ZNF841: variants seen among roughly 807,000 people sequenced by gnomAD.
The protein encoded by ZNF841 is zinc finger protein 841, also known as TCONS_00006091.
Under a neutral mutation model 13.0 loss-of-function variants are expected in ZNF841, and 11 were observed. That is an observed-to-expected ratio of 0.85 (90% CI 0.53 to 1.40). The LOEUF is 1.40. Among genes scored for constraint, ZNF841 ranks in the 40% most tolerant of loss-of-function variants. ZNF841 has a pLI of 0.00. For missense variants in ZNF841, 1,068 were observed against 1,139.5 expected (o/e 0.94, Z 0.90); for synonymous variants, 369 against 381.6 (o/e 0.97, Z 0.38).
At chr19:52,068,056 A>G (rs1261173682) in intron 6 of ZNF841, among the ~76,000 whole-genome samples, 1 of 152,146 alleles carries the variant, frequency 6.6e-6, no homozygotes, top group Non-Finnish European at 1.5e-5. Context: ...TAATCATAAT[A>G]TAAATTAATT....
chr19:52,077,191 G>A (rs1217404408), intron 4 of ZNF841, 107 bp from the exon 5 acceptor site: 1 of 1,292,856 alleles, frequency 7.7e-7, no homozygotes, highest in Non-Finnish European at 1.0e-6. Flanking sequence ...AGTGTGTTTT[G>A]ACATATCCAT....
intron 6 of ZNF841, among the ~76,000 whole-genome samples, chr19:52,069,171 T>A (rs189307850): frequency 6.6e-6 from 1 of 152,096 alleles, no homozygotes; most frequent in Non-Finnish European, 1.5e-5. Context: ...ACTCACAGGC[T>A]CAAGCGATCC....
intron 2 of ZNF841, among the ~76,000 whole-genome samples, chr19:52,090,630 A>AGAAAGAAGGAAGGAAGGAAGGAAGGAAG (rs1555782680): frequency 8.8e-5 from 8 of 90,606 alleles, no homozygotes; most frequent in African/African-American, 1.4e-4. Flanking sequence ...AAAGAAAGAA[A>AGAAAGAAGGAAGGAAGGAAGGAAGGAAG]GAAGGAAGGA....
intron 6 of ZNF841, among the ~76,000 whole-genome samples, chr19:52,068,662 C>CGAG (rs2087656793): frequency 7.3e-6 from 1 of 136,076 alleles, no homozygotes; most frequent in Admixed American, 7.6e-5. Flanking sequence ...GGCGACAGAG[C>CGAG]AGTCTCAAAA....
intron 4 of ZNF841, 68 bp from the exon 5 acceptor site, chr19:52,077,152 G>C: frequency 6.7e-7 from 1 of 1,482,694 alleles, no homozygotes; most frequent in Non-Finnish European, 9.1e-7. Flanking sequence ...AATGAGAAGA[G>C]GAGAGAACTG....
intron 3 of ZNF841, among the ~76,000 whole-genome samples, chr19:52,087,477 T>G (rs2088313084): frequency 6.6e-6 from 1 of 152,150 alleles, no homozygotes; most frequent in Non-Finnish European, 1.5e-5. Context: ...TTTGGTTTTC[T>G]GTTCCCGTGT....
Position 52,066,354 on chromosome 19 carries a change from CT to C in ZNF841, c.1527del (p.Glu510ArgfsTer19). On this transcript the variant is annotated frameshift_variant, in exon 7 of 7. Transcript: ENST00000594440. LOFTEE classifies it low-confidence loss of function (END_TRUNC). ...CATTCATTACATTTGTAAGGTTTCT[CT>C]CCAGTATGAACTCTCTGATGCACTG... ...HLAVHQRVHT[G>X]EKPYKCNECG... is the part of the protein sequence containing the mutation. 6.2e-7 allele frequency: 1 copy of C among 1,614,088 alleles called. No individual in the cohort carries two copies. The highest frequency in any genetic ancestry group is 2.2e-5 in the East Asian group (1 of 44,876).
Position 52,066,119 on chromosome 19 carries a change from T to C in ZNF841, c.1763A>G (p.Gln588Arg). ...AGGTTTCTCTCCGGTATGCATTCTTTGATGACGTGCTAGGCATGAATAGTA... is the reference window on the plus strand; with the variant it reads ...AGGTTTCTCTCCGGTATGCATTCTTCGATGACGTGCTAGGCATGAATAGTA... Reference protein sequence around the residue: ...FTYYSCLARHQRMHTGEKPYK... With the variant: ...FTYYSCLARHRRMHTGEKPYK... Residue 588 changes from glutamine (Q) to arginine (R), a missense_variant, in exon 7 of 7, where the codon CAA becomes CGA. Coordinates refer to ENST00000594440, the MANE Select transcript of ZNF841 (RefSeq NM_001136499.2). 1 of 1,613,858 alleles carries C rather than the reference T, an allele frequency of 6.2e-7. No homozygotes were observed. The highest frequency in any genetic ancestry group is 1.1e-5 in the South Asian group (1 of 91,064).
intron 4 of ZNF841, among the ~76,000 whole-genome samples, chr19:52,083,370 C>T (rs777129335): frequency 6.6e-6 from 1 of 151,060 alleles, no homozygotes; most frequent in Non-Finnish European, 1.5e-5. Context: ...TTCCCCACTA[C>T]CCCAAGTTCA....
intron 4 of ZNF841, among the ~76,000 whole-genome samples, chr19:52,080,428 C>T (rs78489460): frequency 0.016 from 2,464 of 152,186 alleles, 73 homozygotes; most frequent in African/African-American, 0.056. Context: ...AGATCCAGCC[C>T]CTGCCATGCA....
intron 2 of ZNF841, among the ~76,000 whole-genome samples, chr19:52,090,654 G>GGAAGGAAGGAAGGAAAGAAAGAAA (rs1183196348): frequency 9.6e-4 from 81 of 84,624 alleles, no homozygotes; most frequent in African/African-American, 4.4e-3. Flanking sequence ...AAGGAAGGAA[G>GGAAGGAAGGAAGGAAAGAAAGAAA]GAAAGAAAGA....
chr19:52,068,654 C>T (rs998205298), intron 6 of ZNF841, among the ~76,000 whole-genome samples: 2 of 142,052 alleles, frequency 1.4e-5, no homozygotes, highest in African/African-American at 5.4e-5. Flanking sequence ...CCAGCCTGGG[C>T]GACAGAGCAG....
In ZNF841 at chr19:52,066,076, A is replaced by G. The variant is rs778628759; in HGVS notation, c.1806T>C (p.Cys602=). 1 of 1,614,182 alleles carries G rather than the reference A, an allele frequency of 6.2e-7. No homozygotes were observed. The highest frequency in any genetic ancestry group is 1.7e-5 in the Admixed American group (1 of 60,026). The change falls in exon 7 of 7, where the codon TGT becomes TGC. Residue 602 remains cysteine, a synonymous_variant. Coordinates refer to ENST00000594440, the MANE Select transcript of ZNF841 (RefSeq NM_001136499.2). ...TTCCACTGTCAATGAAGACCTTGCC[A>G]CACACATTACATTTGTAAGGTTTCT... The part of the protein sequence containing the change: ...TGEKPYKCNV[C]GKVFIDSGNL...
chr19:52,081,420 T>C (rs142817841), intron 4 of ZNF841, among the ~76,000 whole-genome samples: 4 of 152,262 alleles, frequency 2.6e-5, no homozygotes, highest in African/African-American at 2.4e-5. Flanking sequence ...ACCAAAGAAT[T>C]TGAAATAGCA....
Position 52,065,362 on chromosome 19 carries a change from C to G in ZNF841, c.2520G>C (p.Gln840His). The G allele has an allele frequency of 1.9e-6, 3 of 1,607,684 alleles. No homozygotes were observed. Among genetic ancestry groups the G allele is most frequent in the Non-Finnish European group, 1.7e-6 (2 of 1,176,576 alleles). ...FIERSNLVYHQRNHTGEKPYK... is the reference protein window; with the variant it reads ...FIERSNLVYHHRNHTGEKPYK... ...ATGGCTTCTCTCCAGTATGGTTTCTCTGATGGTAAACCAAGTTTGACCTTT... is the reference window on the plus strand; with the variant it reads ...ATGGCTTCTCTCCAGTATGGTTTCTGTGATGGTAAACCAAGTTTGACCTTT... Residue 840 changes from glutamine to histidine, a missense_variant, in exon 7 of 7, where the codon CAG becomes CAC. Gln to His is a conservative substitution (Grantham distance 24). Transcript: ENST00000594440.
chr19:52,063,991 C>T (rs1253712827), downstream of ZNF841, among the ~76,000 whole-genome samples: 1 of 144,198 alleles, frequency 6.9e-6, no homozygotes, highest in Non-Finnish European at 1.5e-5. Flanking sequence ...ATATACTACA[C>T]TTCTGTGATT....
intron 3 of ZNF841, among the ~76,000 whole-genome samples, chr19:52,085,617 C>A (rs1443964457): frequency 6.6e-6 from 1 of 152,168 alleles, no homozygotes; most frequent in Non-Finnish European, 1.5e-5. Context: ...GATATCAGAA[C>A]AAAGACCTCA....
chr19:52,069,726 T>C (rs1476848258), intron 6 of ZNF841, among the ~76,000 whole-genome samples: 2 of 152,158 alleles, frequency 1.3e-5, no homozygotes, highest in Admixed American at 6.5e-5. Flanking sequence ...GAGTCAGCCA[T>C]GGCACACCAG....
intron 2 of ZNF841, among the ~76,000 whole-genome samples, chr19:52,089,680 A>C (rs1373300649): frequency 6.6e-6 from 1 of 151,968 alleles, no homozygotes; most frequent in Non-Finnish European, 1.5e-5. Context: ...ATGCACAACC[A>C]CTCATAATCC....
Sources: gnomAD v4.1 joint callset for allele counts (sites outside exome capture counted in the v4.1 genomes callset) on GRCh38, gnomAD v4.1.1 for gene constraint, MANE v1.5 for transcripts, NCBI Gene and HGNC (gene_info 2026-07-23, HGNC 2026-07-21) for gene names.